PGA5: variants seen among roughly 807,000 people sequenced by gnomAD.
PGA5 encodes pepsinogen A5.
PGA5 carries 19 observed loss-of-function variants against 15.9 expected under a neutral mutation model. The observed-to-expected ratio is 1.19, with a 90% CI of 0.83 to 1.75. The LOEUF (loss-of-function observed/expected upper bound fraction) is 1.75, where lower values mean the gene tolerates loss of function less well. Among genes scored for constraint, PGA5 ranks in the 40% most tolerant of loss-of-function variants. The pLI is 0.00. For synonymous variants in PGA5, 92 were observed against 95.8 expected (o/e 0.96, Z 0.23); for missense variants, 224 against 246.4 (o/e 0.91, Z 0.61).
chr11:61,250,357 G>T (rs1409540169), intron 8 of PGA5, among the ~76,000 whole-genome samples: 1 of 151,462 alleles, frequency 6.6e-6, no homozygotes, highest in East Asian at 1.9e-4. Context: ...CATCCAAAAG[G>T]TAGAGATGGC....
At chr11:61,247,152 C>T (rs544115180) in intron 5 of PGA5, among the ~76,000 whole-genome samples, 35 of 152,086 alleles carry the variant, frequency 2.3e-4, no homozygotes, top group South Asian at 1.2e-3. Context: ...TGTGTCTCCT[C>T]GGTTGGTAAC....
intron 5 of PGA5, 150 bp from the exon 6 acceptor site, chr11:61,248,269 T>G: frequency 6.3e-7 from 1 of 1,585,622 alleles, no homozygotes; most frequent in South Asian, 1.1e-5. Flanking sequence ...GCATGGGCCC[T>G]GGCCTAAGAG....
At chr11:61,248,664 G>C (rs1565209907) in intron 6 of PGA5, 129 bp downstream of exon 6, 10 of 1,554,096 alleles carry the variant, frequency 6.4e-6, no homozygotes, top group Non-Finnish European at 6.1e-6. Context: ...ACTCCAGGGG[G>C]AAGGTGGAAG....
rs141421347 is a variant in PGA5 at position 61,246,483 on chromosome 11, T to C, written c.656+338T>C. On this transcript the variant is annotated intron_variant, in intron 5 of 8. Transcript: ENST00000312403. ...TAAAGTGAATACAGTTAGCCAGGCA[T>C]GGTGTCTCATGCCTGTAATCCCAGC... Among the ~76,000 whole-genome samples, 34 of 151,952 alleles carry C rather than the reference T, an allele frequency of 2.2e-4. No homozygotes were observed. The East Asian group carries it at 6.2e-3, about 28-fold the overall frequency.
chr11:61,248,888 C>T (rs1244313983), intron 6 of PGA5, among the ~76,000 whole-genome samples: 1 of 152,128 alleles, frequency 6.6e-6, no homozygotes, highest in African/African-American at 2.4e-5. Flanking sequence ...CACGCTCCTG[C>T]CACTCGAGGA....
In PGA5 at chr11:61,250,777, T is replaced by C. The variant is rs535223036; in HGVS notation, c.1018-355T>C. ...GAGGGCTAATAGCTCATCTGGTTTG[T>C]CCCTGATGAGATAAGAATAATAATG... On this transcript the variant is annotated intron_variant, in intron 8 of 8. Transcript: ENST00000312403. The C allele has an allele frequency of 5.7e-4, 284 of 502,434 alleles. 2 individuals are homozygous for C. Among genetic ancestry groups the C allele is most frequent in the African/African-American group, 1.4e-3 (72 of 51,516 alleles). 31.1% of individuals were successfully genotyped at this position (502,434 alleles called of 1,614,324 possible).
At position 61,250,027 on chromosome 11, in the gene PGA5, T is replaced by C; in HGVS notation, c.1017+13T>C. 1 of 1,604,650 alleles carries C rather than the reference T, an allele frequency of 6.2e-7. No homozygotes were observed. The highest frequency in any genetic ancestry group is 8.5e-7 in the Non-Finnish European group (1 of 1,176,746). ...CTACATCCTGCAGGTGAGGAGGCTC[T>C]GGACCATCCACTAGAGAGGTTCACA... On this transcript the variant is annotated intron_variant, in intron 8 of 8. Transcript: ENST00000312403.
chr11:61,246,257 A>G (rs1344310613), intron 5 of PGA5, 112 bp downstream of exon 5: 2 of 272,072 alleles, frequency 7.4e-6, no homozygotes, highest in African/African-American at 5.9e-5. Flanking sequence ...CTTGGGAAGC[A>G]AGGGATTTGA....
intron 5 of PGA5, 40 bp from the exon 6 acceptor site, chr11:61,248,379 G>A (rs368095658): frequency 2.2e-5 from 36 of 1,613,694 alleles, no homozygotes; most frequent in Middle Eastern, 1.6e-4. Context: ...ACAAATGGAC[G>A]AACAAAAAAA....
intron 5 of PGA5, 54 bp from the exon 6 acceptor site, chr11:61,248,365 T>A (rs1854095176): frequency 1.2e-6 from 2 of 1,613,806 alleles, no homozygotes; most frequent in Non-Finnish European, 1.7e-6. Context: ...CAGCAGATGG[T>A]CACACAAATG....
chr11:61,249,697 T>C lies in PGA5; in HGVS notation c.802T>C (p.Cys268Arg). 6.2e-7 allele frequency: 1 copy of C among 1,613,500 alleles called. No individual in the cohort carries two copies. The highest frequency in any genetic ancestry group is 1.1e-5 in the South Asian group (1 of 91,042). ...SITMNGETIA[C>R]AEGCQAIVDT... Reference sequence around the variant, plus strand: ...CACCATGAACGGAGAGACCATCGCCTGTGCTGAGGGCTGCCAGGCCATTGT... The same window carrying C: ...CACCATGAACGGAGAGACCATCGCCCGTGCTGAGGGCTGCCAGGCCATTGT... Residue 268 changes from cysteine (C) to arginine (R), a missense_variant, in exon 7 of 9, where the codon TGT (cysteine) becomes CGT (arginine). Transcript: ENST00000312403.
At position 61,249,781 on chromosome 11, in the gene PGA5, G is replaced by A. The variant is rs139795742; in HGVS notation, c.886G>A (p.Asp296Asn). Reference protein sequence around the residue: ...PTSPIANIQSDIGASENSDGD... With the variant: ...PTSPIANIQSNIGASENSDGD... ...CAGCCCCATTGCCAACATCCAGAGC[G>A]ACATCGGAGCCAGCGAGAACTCAGA... Residue 296 changes from aspartate (D) to asparagine (N), a missense_variant, in exon 7 of 9, where the codon GAC (aspartate) becomes AAC (asparagine). Transcript: ENST00000312403. 1.1e-4 allele frequency: 175 copies of A among 1,613,500 alleles called. 1 individual carries two copies. The highest frequency in any genetic ancestry group is 1.3e-4 in the African/African-American group (10 of 74,626).
At chr11:61,250,363 A>T (rs935662018) in intron 8 of PGA5, among the ~76,000 whole-genome samples, 4 of 151,422 alleles carry the variant, frequency 2.6e-5, no homozygotes, top group Non-Finnish European at 4.4e-5. Flanking sequence ...AAAGGTAGAG[A>T]TGGCAGCTTT....
intron 6 of PGA5, among the ~76,000 whole-genome samples, chr11:61,248,861 G>A (rs1364113825): frequency 6.6e-6 from 1 of 152,078 alleles, no homozygotes; most frequent in Non-Finnish European, 1.5e-5. Flanking sequence ...ACAATTTAAG[G>A]GGGCTGTGAA....
chr11:61,251,149 C>T lies in PGA5; in HGVS notation c.1035C>T (p.Ile345=). 5 of 1,611,842 alleles carry T rather than the reference C, an allele frequency of 3.1e-6. No homozygotes were observed. Among genetic ancestry groups the T allele is most frequent in the Non-Finnish European group, 4.2e-6 (5 of 1,179,870 alleles). The change falls in exon 9 of 9, where the codon ATC becomes ATT. Residue 345 remains isoleucine, a synonymous_variant. Coordinates refer to ENST00000312403, the MANE Select transcript of PGA5 (RefSeq NM_014224.5). ...AYILQSEGSC[I]SGFQGMNVPT... is the part of the protein sequence containing the mutation. ...TTCTCCAGAGCGAGGGGAGCTGCAT[C>T]AGTGGCTTCCAGGGCATGAACGTCC...
chr11:61,247,891 G>A (rs991425410), intron 5 of PGA5, among the ~76,000 whole-genome samples: 1 of 151,982 alleles, frequency 6.6e-6, no homozygotes, highest in Non-Finnish European at 1.5e-5. Context: ...GTGCATTGTA[G>A]GATGTTTGGC....
intron 5 of PGA5, among the ~76,000 whole-genome samples, chr11:61,247,568 C>T (rs1287444867): frequency 4.6e-5 from 7 of 151,990 alleles, no homozygotes; most frequent in South Asian, 2.1e-4. Flanking sequence ...TGAGCCACCA[C>T]GCCCAGCCCC....
intron 6 of PGA5, 170 bp from the exon 7 acceptor site, chr11:61,249,499 G>A (rs1307616210): frequency 7.7e-7 from 1 of 1,290,784 alleles, no homozygotes; most frequent in Admixed American, 2.1e-5. Context: ...GGAAATATTT[G>A]TAGGGTAAAT....
At chr11:61,247,674 C>A (rs1854082814) in intron 5 of PGA5, among the ~76,000 whole-genome samples, 3 of 152,032 alleles carry the variant, frequency 2.0e-5, no homozygotes, top group South Asian at 4.1e-4. Context: ...ACAAGGACTC[C>A]TGCAATTTAC....
Sources: allele counts gnomAD v4.1 joint callset (sites outside exome capture counted in the v4.1 genomes callset), GRCh38; gene constraint gnomAD v4.1.1; transcripts MANE v1.5; gene names NCBI Gene and HGNC (gene_info 2026-07-23, HGNC 2026-07-21).